The following CPA4 variants were observed in gnomAD, a reference collection of about 807,000 sequenced individuals.
CPA4 encodes the protein carboxypeptidase A3.
CPA4 carries 49 observed loss-of-function variants against 54.7 expected under a neutral mutation model. That is an observed-to-expected ratio of 0.90 (90% confidence interval 0.71 to 1.14). The LOEUF is 1.14. Ranked by LOEUF, CPA4 falls within the 50% of genes most tolerant of loss-of-function variation. CPA4 has a pLI of 0.00. For synonymous variants in CPA4, 215 were observed against 206.8 expected (o/e 1.04, Z -0.34); for missense variants, 487 against 525.1 (o/e 0.93, Z 0.71).
chr7:130,314,983 A>G (rs747036632), intron 10 of CPA4, among the ~76,000 whole-genome samples: 4 of 152,046 alleles, frequency 2.6e-5, no homozygotes, highest in Non-Finnish European at 5.9e-5. Context: ...TTGTTTGGGT[A>G]TGTGGTGAAG....
chr7:130,295,591 G>A (rs904379777), intron 1 of CPA4, among the ~76,000 whole-genome samples: 1 of 152,208 alleles, frequency 6.6e-6, no homozygotes, highest in Non-Finnish European at 1.5e-5. Context: ...TTCAAATACA[G>A]ACAAGGACAG....
At chr7:130,303,550 T>A (rs1474731277) in intron 4 of CPA4, among the ~76,000 whole-genome samples, 2 of 152,210 alleles carry the variant, frequency 1.3e-5, no homozygotes, top group Non-Finnish European at 2.9e-5. Context: ...TGGTGCATGC[T>A]AATTTTTTAT....
At chr7:130,313,727 G>C (rs115606775) in intron 10 of CPA4, among the ~76,000 whole-genome samples, 1,602 of 152,336 alleles carry the variant, frequency 0.011, 26 homozygotes, top group African/African-American at 0.037. Context: ...GGTAAAGGTT[G>C]ATTAGGAGGA....
intron 10 of CPA4, among the ~76,000 whole-genome samples, chr7:130,317,690 C>T (rs1463429458): frequency 3.3e-5 from 5 of 152,018 alleles, no homozygotes; most frequent in African/African-American, 1.2e-4. Flanking sequence ...TGGTCTCAAA[C>T]TCCTGGGCTC....
chr7:130,311,934 C>T (rs1043200907), intron 9 of CPA4, 104 bp from the exon 10 acceptor site: 51 of 813,120 alleles, frequency 6.3e-5, no homozygotes, highest in African/African-American at 3.2e-4. Flanking sequence ...GAAAGGAAAT[C>T]GGGGGGGGCT....
At chr7:130,311,556 C>A (rs1793915152) in intron 9 of CPA4, among the ~76,000 whole-genome samples, 1 of 151,614 alleles carries the variant, frequency 6.6e-6, no homozygotes, top group Non-Finnish European at 1.5e-5. Context: ...GGCAGGCACT[C>A]TACACAGGGA....
At chr7:130,300,356 A>C (rs1168508520) in intron 3 of CPA4, among the ~76,000 whole-genome samples, 2 of 101,436 alleles carry the variant, frequency 2.0e-5, no homozygotes, top group Non-Finnish European at 3.8e-5. Flanking sequence ...TTTTTTTTTG[A>C]GATGGAGTCT....
chr7:130,294,132 T>C (rs1793614377), intron 1 of CPA4, among the ~76,000 whole-genome samples: 1 of 152,124 alleles, frequency 6.6e-6, no homozygotes, highest in African/African-American at 2.4e-5. Flanking sequence ...TTTCTTCCAC[T>C]TAAACATGAA....
chr7:130,294,044 T>A (rs1257815211), intron 1 of CPA4, among the ~76,000 whole-genome samples: 2 of 152,226 alleles, frequency 1.3e-5, no homozygotes, highest in African/African-American at 2.4e-5. Flanking sequence ...TACTGCATAA[T>A]ACTTTACCAT....
In CPA4 at chr7:130,304,560, G is replaced by A. The variant is rs777671606; in HGVS notation, c.467G>A (p.Arg156Gln). The A allele has an allele frequency of 9.9e-6, 16 of 1,611,554 alleles. No individual in the cohort carries two copies. The Admixed American group carries it at 1.5e-4, about 15-fold the overall frequency. Reference protein sequence around the residue: ...RVKIGHSFENRPMYVLKFSTG... With the variant: ...RVKIGHSFENQPMYVLKFSTG... ...AAGATTGGACATTCGTTTGAAAACC[G>A]GCCGATGTATGTACTGAAGGTGAGG... Residue 156 changes from arginine (R) to glutamine (Q), a missense_variant, in exon 5 of 11, where the codon CGG becomes CAG. Coordinates refer to ENST00000222482, the MANE Select transcript of CPA4 (RefSeq NM_016352.4).
At chr7:130,317,193 C>G (rs1794002264) in intron 10 of CPA4, among the ~76,000 whole-genome samples, 1 of 152,166 alleles carries the variant, frequency 6.6e-6, no homozygotes, top group South Asian at 2.1e-4. Flanking sequence ...CCTATTGTAC[C>G]TTTCGTATGT....
intron 4 of CPA4, 25 bp downstream of exon 4, chr7:130,300,939 A>C (rs777990177): frequency 1.3e-6 from 2 of 1,483,606 alleles, no homozygotes; most frequent in African/African-American, 2.8e-5. Flanking sequence ...GTGGGTTAAG[A>C]TCAAGGTTCT....
intron 10 of CPA4, among the ~76,000 whole-genome samples, chr7:130,317,681 G>A (rs1209213349): frequency 6.6e-6 from 1 of 151,882 alleles, no homozygotes; most frequent in Non-Finnish European, 1.5e-5. Flanking sequence ...TGCTCAGACT[G>A]GTCTCAAACT....
At chr7:130,296,493 G>T (rs185120493) in intron 1 of CPA4, among the ~76,000 whole-genome samples, 5 of 152,220 alleles carry the variant, frequency 3.3e-5, no homozygotes, top group African/African-American at 1.2e-4. Context: ...CATGTGTTGG[G>T]TGAATGCGTA....
At chr7:130,293,550 T>G in intron 1 of CPA4, 1 of 311,036 alleles carries the variant, frequency 3.2e-6, no homozygotes, top group Non-Finnish European at 6.0e-6. Flanking sequence ...TACTCCTACC[T>G]TATTAATTAC....
chr7:130,308,233 C>A, intron 7 of CPA4, 74 bp from the exon 8 acceptor site: 3 of 1,301,212 alleles, frequency 2.3e-6, no homozygotes, highest in South Asian at 1.2e-5. Flanking sequence ...GCCTGCGTGT[C>A]ATCTCCACCC....
In CPA4 at chr7:130,299,684, C is replaced by T. The variant is rs78712956; in HGVS notation, c.285+280C>T. The T allele has an allele frequency of 9.5e-3, 3,332 of 350,440 alleles. 111 individuals carry two copies. Among genetic ancestry groups the T allele is most frequent in the African/African-American group, 0.063 (3,112 of 49,720 alleles). 21.7% of individuals were successfully genotyped at this position (350,440 alleles called of 1,614,324 possible). A position where few individuals can be genotyped will look rare whatever the true frequency, so the allele number is the denominator to read the frequency against. ...TGTGTCTTTGGACAAGTTATTAACCCGCTGAGCCTCCGTTTCTTCATCAGT... is the reference window on the plus strand; with the variant it reads ...TGTGTCTTTGGACAAGTTATTAACCTGCTGAGCCTCCGTTTCTTCATCAGT... On this transcript the variant is annotated intron_variant, in intron 3 of 10. Coordinates refer to ENST00000222482, the MANE Select transcript of CPA4 (RefSeq NM_016352.4).
intron 8 of CPA4, among the ~76,000 whole-genome samples, chr7:130,308,850 C>CTTGTTTTTTTTTTTT (rs1793869227): frequency 8.3e-6 from 1 of 120,276 alleles, no homozygotes; most frequent in African/African-American, 3.6e-5. Flanking sequence ...CTAGCCCAGC[C>CTTGTTTTTTTTTTTT]TTTTTTTTTT....
rs562782044 is a variant in CPA4, at chr7:130,301,537, C to T, written c.384+623C>T. 1.9e-4 allele frequency among the ~76,000 whole-genome samples: 29 copies of T among 152,262 alleles called. No homozygotes were observed. The South Asian group carries it at 6.0e-3, about 32-fold the overall frequency. On this transcript the variant is annotated intron_variant, in intron 4 of 10. Coordinates refer to ENST00000222482, the MANE Select transcript of CPA4 (RefSeq NM_016352.4). ...TGTACCATGAATGCGGTACAGTTCT[C>T]TTACACCCCTCAGTGTCTCCTTCAT...
Sources: allele counts gnomAD v4.1 joint callset (sites outside exome capture counted in the v4.1 genomes callset), GRCh38; gene constraint gnomAD v4.1.1; transcripts MANE v1.5; gene names NCBI Gene and HGNC (gene_info 2026-07-23, HGNC 2026-07-21).